Variants in TMTC1 observed in about 807,000 individuals in gnomAD.
TMTC1 encodes transmembrane O-mannosyltransferase targeting cadherins 1.
TMTC1 carries 73 observed loss-of-function variants against 104.8 expected under a neutral mutation model. The ratio of observed to expected loss-of-function variants is 0.70; its 90% CI spans 0.58 to 0.85. The LOEUF is 0.85. Ranked by LOEUF, TMTC1 falls within the 40% of genes least tolerant of loss-of-function variation. The pLI is 0.00. For synonymous variants in TMTC1, 434 were observed against 428.7 expected, an observed-to-expected ratio of 1.01 and a Z score of -0.15; for missense variants, 1,035 against 1,096.1, an observed-to-expected ratio of 0.94 and a Z score of 0.79.
intron 5 of TMTC1, among the ~76,000 whole-genome samples, chr12:29,647,091 C>T (rs1280478764): frequency 1.3e-5 from 2 of 152,182 alleles, no homozygotes; most frequent in South Asian, 2.1e-4. Context: ...GGCGCAATCT[C>T]GGCTCACTGC....
intron 2 of TMTC1, among the ~76,000 whole-genome samples, chr12:29,762,735 G>A (rs980284024): frequency 6.6e-6 from 1 of 152,184 alleles, no homozygotes; most frequent in Non-Finnish European, 1.5e-5. Flanking sequence ...AATCTATAAG[G>A]AACTTGAGTA....
At chr12:29,658,683 A>G (rs545903205) in intron 5 of TMTC1, 7 of 214,712 alleles carry the variant, frequency 3.3e-5, no homozygotes, top group Admixed American at 2.1e-4. Flanking sequence ...GATGTCAACA[A>G]TATCACCTTT....
intron 11 of TMTC1, among the ~76,000 whole-genome samples, chr12:29,530,924 T>C (rs2136188680): frequency 6.6e-6 from 1 of 152,306 alleles, no homozygotes; most frequent in Non-Finnish European, 1.5e-5. Flanking sequence ...ATCGGTCCTT[T>C]AGATATCAGA....
chr12:29,536,441 T>C, intron 10 of TMTC1, 124 bp from the exon 11 acceptor site: 2 of 668,560 alleles, frequency 3.0e-6, no homozygotes, highest in South Asian at 1.8e-5. Flanking sequence ...TCTGGATTTA[T>C]TGCAAATGAA....
At chr12:29,707,998 T>C (rs536088644) in intron 5 of TMTC1, among the ~76,000 whole-genome samples, 1 of 152,210 alleles carries the variant, frequency 6.6e-6, no homozygotes, top group Non-Finnish European at 1.5e-5. Flanking sequence ...GAACCCCTGC[T>C]GAGAAACGAG....
chr12:29,757,616 C>T (rs1276977255), intron 3 of TMTC1, among the ~76,000 whole-genome samples: 1 of 152,178 alleles, frequency 6.6e-6, no homozygotes, highest in Non-Finnish European at 1.5e-5. Flanking sequence ...AACTGGGCAA[C>T]ATGGTTGACT....
chr12:29,765,657 GATAA>G (rs938293337), intron 2 of TMTC1, among the ~76,000 whole-genome samples: 1 of 151,922 alleles, frequency 6.6e-6, no homozygotes, highest in African/African-American at 2.4e-5. Context: ...AACAGAAAAT[GATAA>G]ATAATTAATA....
intron 9 of TMTC1, among the ~76,000 whole-genome samples, chr12:29,567,979 T>C (rs1187324676): frequency 6.6e-6 from 1 of 152,222 alleles, no homozygotes; most frequent in Non-Finnish European, 1.5e-5. Flanking sequence ...GTCTCTTCAG[T>C]ACTCAATCCT....
At position 29,556,863 on chromosome 12, in the gene TMTC1, A is replaced by C. The variant is rs1261631281; in HGVS notation, c.1670T>G (p.Leu557Arg). 1 of 1,613,932 alleles carries C rather than the reference A, an allele frequency of 6.2e-7. No homozygotes were observed. The highest frequency in any genetic ancestry group is 8.5e-7 in the Non-Finnish European group (1 of 1,179,982). The change falls in exon 10 of 18, where the codon CTC (leucine) becomes CGC (arginine). Residue 557 changes from leucine to arginine, a missense_variant. Physicochemically the swap from Leu to Arg is moderately radical, Grantham distance 102. Transcript: ENST00000539277. Reference protein sequence around the residue: ...HNRALFNLGNLLKSQEKKEEA... With the variant: ...HNRALFNLGNRLKSQEKKEEA... ...TGGTAAACGTCCCACTTACTTGAGG[A>C]GATTCCCCAGATTGAAAAGAGCCCG...
intron 5 of TMTC1, among the ~76,000 whole-genome samples, chr12:29,651,484 T>C (rs1384013670): frequency 1.3e-5 from 2 of 152,146 alleles, no homozygotes; most frequent in African/African-American, 2.4e-5. Context: ...TATTTGTAAG[T>C]TTCAATATAA....
intron 5 of TMTC1, among the ~76,000 whole-genome samples, chr12:29,747,237 T>G (rs1565810496): frequency 6.6e-6 from 1 of 152,190 alleles, no homozygotes; most frequent in Non-Finnish European, 1.5e-5. Flanking sequence ...TGTTTCCCTG[T>G]GTGCCTGAAT....
At chr12:29,582,551 C>T (rs1946010494) in intron 8 of TMTC1, among the ~76,000 whole-genome samples, 1 of 152,214 alleles carries the variant, frequency 6.6e-6, no homozygotes. Context: ...AGAGGGTGCT[C>T]AAGACGGATT....
chr12:29,749,037 A>G (rs1398731952), intron 5 of TMTC1, among the ~76,000 whole-genome samples: 1 of 152,176 alleles, frequency 6.6e-6, no homozygotes, highest in African/African-American at 2.4e-5. Flanking sequence ...CTCCATGGTC[A>G]GTGAAGTCAC....
chr12:29,676,497 G>A (rs910724891), intron 5 of TMTC1, among the ~76,000 whole-genome samples: 2 of 152,204 alleles, frequency 1.3e-5, no homozygotes, highest in Non-Finnish European at 2.9e-5. Context: ...TTAATCAGGA[G>A]AGAATCAAAC....
intron 5 of TMTC1, chr12:29,660,776 G>GTATATA (rs144268878): frequency 1.6e-4 from 110 of 704,468 alleles, no homozygotes; most frequent in South Asian, 2.7e-4. Flanking sequence ...TATTTCAAAA[G>GTATATA]TATATATATA....
intron 5 of TMTC1, among the ~76,000 whole-genome samples, chr12:29,691,343 T>C (rs1161898808): frequency 6.6e-6 from 1 of 151,938 alleles, no homozygotes; most frequent in Non-Finnish European, 1.5e-5. Flanking sequence ...TGTGGTTCCA[T>C]CTCCAACCCA....
rs191862773 is a variant in TMTC1, at chr12:29,515,996, C to T, written c.2307+353G>A. Among the ~76,000 whole-genome samples the T allele has an allele frequency of 4.7e-3, 701 of 149,212 alleles. 3 individuals are homozygous for T. The highest frequency in any genetic ancestry group is 7.2e-3 in the Non-Finnish European group (481 of 67,002). ...TGTTTTATGTAATCCTCATAACAACCCTGTAAAGCATGGTTGTTATGAGGA... is the reference window on the plus strand; with the variant it reads ...TGTTTTATGTAATCCTCATAACAACTCTGTAAAGCATGGTTGTTATGAGGA... On this transcript the variant is annotated intron_variant, in intron 15 of 17. Coordinates refer to ENST00000539277, the MANE Select transcript of TMTC1 (RefSeq NM_001193451.2).
chr12:29,664,041 G>A lies in TMTC1; in HGVS notation c.939-30705C>T, dbSNP rs531910995. Among the ~76,000 whole-genome samples the A allele has an allele frequency of 2.0e-5, 3 of 151,262 alleles. No homozygotes were observed. The East Asian group carries it at 5.9e-4, about 30-fold the overall frequency. ...TCTCTACTAAAAATACAAAAAATTA[G>A]CCGGGCGTAGTGGCGGGCGCCTGTA... On this transcript the variant is annotated intron_variant, in intron 5 of 17. Transcript: ENST00000539277.
At chr12:29,552,590 T>C (rs1945135314) in intron 10 of TMTC1, among the ~76,000 whole-genome samples, 1 of 152,156 alleles carries the variant, frequency 6.6e-6, no homozygotes, top group Admixed American at 6.5e-5. Context: ...TAGGTTCCAT[T>C]CTGTGTCTTC....
Sources: gnomAD v4.1 joint callset for allele counts (sites outside exome capture counted in the v4.1 genomes callset) on GRCh38, gnomAD v4.1.1 for gene constraint, MANE v1.5 for transcripts, NCBI Gene and HGNC (gene_info 2026-07-23, HGNC 2026-07-21) for gene names.